RYR3: variants seen among roughly 807,000 people sequenced by gnomAD.
RYR3 encodes brain ryanodine receptor-calcium release channel.
RYR3 carries 207 observed loss-of-function variants against 584.3 expected under a neutral mutation model. The ratio of observed to expected loss-of-function variants is 0.35; its 90% CI spans 0.32 to 0.40. The LOEUF (loss-of-function observed/expected upper bound fraction) is 0.40, where lower values mean the gene tolerates loss of function less well. RYR3 is among the 10% of genes least tolerant of loss of function. The pLI is 1.00. For synonymous variants in RYR3, 2,416 were observed against 2,248.5 expected (o/e 1.07, Z -2.11); for missense variants, 5,616 against 6,089.2 (o/e 0.92, Z 2.59).
intron 1 of RYR3, among the ~76,000 whole-genome samples, chr15:33,400,738 T>G (rs1163831667): frequency 1.3e-5 from 2 of 152,178 alleles, no homozygotes; most frequent in Non-Finnish European, 2.9e-5. Context: ...TGGCTTCCAG[T>G]GGGGAGTGGT....
chr15:33,807,696 G>A (rs998384695), intron 70 of RYR3, 127 bp downstream of exon 70: 6 of 925,614 alleles, frequency 6.5e-6, no homozygotes, highest in Non-Finnish European at 1.0e-5. Flanking sequence ...AGGTCCCCCA[G>A]GCCTGCTCCA....
At chr15:33,568,263 C>T (rs891011323) in intron 12 of RYR3, among the ~76,000 whole-genome samples, 7 of 152,098 alleles carry the variant, frequency 4.6e-5, no homozygotes, top group East Asian at 1.9e-4. Context: ...CTGAATATTC[C>T]AAAAGCTAGT....
chr15:33,635,116 C>T (rs2061438629), intron 25 of RYR3, among the ~76,000 whole-genome samples: 1 of 152,100 alleles, frequency 6.6e-6, no homozygotes, highest in Non-Finnish European at 1.5e-5. Flanking sequence ...AAAGCTTGTT[C>T]AGATTAAAAT....
intron 67 of RYR3, among the ~76,000 whole-genome samples, chr15:33,792,790 T>C (rs1218975147): frequency 1.3e-5 from 2 of 152,234 alleles, no homozygotes; most frequent in Non-Finnish European, 2.9e-5. Flanking sequence ...GGTATGACCC[T>C]TACCCTATTT....
At chr15:33,735,052 T>C (rs898528365) in intron 48 of RYR3, among the ~76,000 whole-genome samples, 1 of 152,110 alleles carries the variant, frequency 6.6e-6, no homozygotes, top group Non-Finnish European at 1.5e-5. Flanking sequence ...ACTGTACTTT[T>C]AGAGCTTTTC....
chr15:33,334,391 A>G (rs1970715632), intron 1 of RYR3, among the ~76,000 whole-genome samples: 1 of 152,202 alleles, frequency 6.6e-6, no homozygotes, highest in African/African-American at 2.4e-5. Flanking sequence ...ACCTACAACT[A>G]TTGGATCTTC....
At chr15:33,435,469 GT>G (rs2045606351) in intron 1 of RYR3, among the ~76,000 whole-genome samples, 1 of 152,158 alleles carries the variant, frequency 6.6e-6, no homozygotes, top group South Asian at 2.1e-4. Context: ...ATGTGTATGT[GT>G]GTGTGTGCTA....
At chr15:33,852,961 C>G in intron 94 of RYR3, 84 bp from the exon 95 acceptor site, 1 of 1,167,332 alleles carries the variant, frequency 8.6e-7, no homozygotes, top group East Asian at 2.5e-5. Flanking sequence ...ATCCCAGATC[C>G]AGGCACTCAA....
chr15:33,471,228 G>A (rs1202092360), intron 1 of RYR3, among the ~76,000 whole-genome samples: 1 of 152,214 alleles, frequency 6.6e-6, no homozygotes, highest in Non-Finnish European at 1.5e-5. Flanking sequence ...GAAGGTTCCA[G>A]ATAGAATGTG....
chr15:33,724,599 TC>T (rs532447994), intron 45 of RYR3, among the ~76,000 whole-genome samples: 387 of 152,304 alleles, frequency 2.5e-3, no homozygotes, highest in Non-Finnish European at 4.2e-3. Flanking sequence ...TTTGAATTTT[TC>T]CCCCAGAGGT....
At chr15:33,846,409 T>G (rs2152989707) in intron 93 of RYR3, among the ~76,000 whole-genome samples, 1 of 152,332 alleles carries the variant, frequency 6.6e-6, no homozygotes, top group Non-Finnish European at 1.5e-5. Context: ...ACTACAGTTA[T>G]GTCAATCTTC....
intron 98 of RYR3, among the ~76,000 whole-genome samples, chr15:33,855,202 A>G (rs114648711): frequency 0.044 from 6,502 of 149,068 alleles, 370 homozygotes; most frequent in South Asian, 0.13. Flanking sequence ...GACCTTGGAG[A>G]TCTTTTTTTT....
chr15:33,340,822 C>A (rs1971723700), intron 1 of RYR3, among the ~76,000 whole-genome samples: 1 of 152,180 alleles, frequency 6.6e-6, no homozygotes, highest in Non-Finnish European at 1.5e-5. Flanking sequence ...CAGTCCATAA[C>A]ACTTGGAATC....
At chr15:33,860,375 T>C (rs1887727959) in intron 100 of RYR3, among the ~76,000 whole-genome samples, 1 of 152,074 alleles carries the variant, frequency 6.6e-6, no homozygotes. Context: ...GAGGAGCAAG[T>C]AGTTAACAGC....
chr15:33,514,759 T>C lies in RYR3; in HGVS notation c.279+11021T>C, dbSNP rs140528331. Among the ~76,000 whole-genome samples the C allele has an allele frequency of 3.7e-3, 560 of 152,114 alleles. 1 individual carries two copies. The highest frequency in any genetic ancestry group is 0.014 in the Middle Eastern group (4 of 294). ...GCTCACACCTGTAATCCTAGCACTT[T>C]GGGAGGCTGAGATAGGCAGATCACG... is the stretch of plus-strand genomic sequence containing the variant. On this transcript the variant is annotated intron_variant, in intron 3 of 103. Coordinates refer to ENST00000634891, the MANE Select transcript of RYR3 (RefSeq NM_001036.6).
intron 1 of RYR3, among the ~76,000 whole-genome samples, chr15:33,330,359 G>T (rs1403034584): frequency 6.6e-6 from 1 of 152,036 alleles, no homozygotes; most frequent in Non-Finnish European, 1.5e-5. Context: ...GCATCCCCCT[G>T]TCTGAAGTAG....
At chr15:33,515,768 C>T (rs1350947264) in intron 3 of RYR3, among the ~76,000 whole-genome samples, 1 of 152,190 alleles carries the variant, frequency 6.6e-6, no homozygotes, top group Non-Finnish European at 1.5e-5. Context: ...GAATACAAAA[C>T]ATTCTTCAGT....
intron 33 of RYR3, 55 bp downstream of exon 33, chr15:33,659,861 A>T (rs1221506715): frequency 1.1e-5 from 13 of 1,211,802 alleles, no homozygotes; most frequent in Non-Finnish European, 1.5e-5. Context: ...AGCACTAACC[A>T]TTAGGGGGAA....
At chr15:33,459,732 C>T (rs2047859227) in intron 1 of RYR3, among the ~76,000 whole-genome samples, 1 of 152,152 alleles carries the variant, frequency 6.6e-6, no homozygotes, top group Non-Finnish European at 1.5e-5. Flanking sequence ...GGTATCTTGA[C>T]AGCAATCTTT....
Sources: gnomAD v4.1 joint callset for allele counts (sites outside exome capture counted in the v4.1 genomes callset) on GRCh38, gnomAD v4.1.1 for gene constraint, MANE v1.5 for transcripts, NCBI Gene and HGNC (gene_info 2026-07-23, HGNC 2026-07-21) for gene names.